NDST3: variants seen among roughly 807,000 people sequenced by gnomAD.
NDST3 encodes N-deacetylase and N-sulfotransferase 3.
In NDST3, 58 loss-of-function variants were observed where a neutral mutation model predicts 96.1. The ratio of observed to expected loss-of-function variants is 0.60; its 90% CI spans 0.49 to 0.75. NDST3 has a LOEUF of 0.75. Among genes scored for constraint, NDST3 ranks in the 30% least tolerant of loss-of-function variants. The pLI is 0.00. For synonymous variants in NDST3, 333 were observed against 359.7 expected, an observed-to-expected ratio of 0.93 and a Z score of 0.84; for missense variants, 788 against 1,034.2, an observed-to-expected ratio of 0.76 and a Z score of 3.27.
chr4:118,139,375 GT>G (rs1733383991), intron 5 of NDST3, among the ~76,000 whole-genome samples: 2 of 152,206 alleles, frequency 1.3e-5, no homozygotes. Flanking sequence ...CAGATTTCCT[GT>G]TTTGATGGAA....
At chr4:118,180,883 C>G (rs2125950442) in intron 6 of NDST3, among the ~76,000 whole-genome samples, 1 of 152,228 alleles carries the variant, frequency 6.6e-6, no homozygotes. Flanking sequence ...CCTGTGAATT[C>G]CAACAGCCAG....
At chr4:118,226,302 C>T (rs1739877561) in intron 7 of NDST3, among the ~76,000 whole-genome samples, 1 of 152,100 alleles carries the variant, frequency 6.6e-6, no homozygotes, top group Admixed American at 6.6e-5. Context: ...TAGTAATTCA[C>T]CCTCATTATT....
At chr4:118,064,527 T>A (rs986921121) in intron 2 of NDST3, among the ~76,000 whole-genome samples, 1 of 152,066 alleles carries the variant, frequency 6.6e-6, no homozygotes, top group Admixed American at 6.6e-5. Flanking sequence ...AACTTCTAGA[T>A]AAACTGAAAT....
chr4:118,054,796 A>C lies in NDST3; in HGVS notation c.886A>C (p.Arg296=). ...IDAISFLSGK[R]LTLSLDRYIL... ...TGCCATCTCCTTCTTATCAGGGAAG[A>C]GGCTGACATTGTCCTTGGACAGGTA... The change falls in exon 2 of 14, where the codon AGG becomes CGG. Residue 296 remains arginine (R), a synonymous_variant. Coordinates refer to ENST00000296499, the MANE Select transcript of NDST3 (RefSeq NM_004784.3). The C allele has an allele frequency of 6.2e-7, 1 of 1,613,310 alleles. No individual in the cohort carries two copies. Among genetic ancestry groups the C allele is most frequent in the Non-Finnish European group, 8.5e-7 (1 of 1,179,414 alleles).
At chr4:118,199,268 T>C (rs1737907242) in intron 6 of NDST3, among the ~76,000 whole-genome samples, 1 of 152,260 alleles carries the variant, frequency 6.6e-6, no homozygotes, top group Non-Finnish European at 1.5e-5. Flanking sequence ...TTGTCTCCTC[T>C]GACTGTATTT....
At chr4:118,096,782 G>A (rs538391244) in intron 2 of NDST3, among the ~76,000 whole-genome samples, 65 of 151,986 alleles carry the variant, frequency 4.3e-4, no homozygotes, top group African/African-American at 1.5e-3. Flanking sequence ...AAGATATGCA[G>A]GCAGCAAGCT....
At chr4:118,150,563 A>C (rs1734319603) in intron 6 of NDST3, among the ~76,000 whole-genome samples, 1 of 151,158 alleles carries the variant, frequency 6.6e-6, no homozygotes, top group Middle Eastern at 3.4e-3. Context: ...AACCCCATCA[A>C]AAAGTGGGCG....
At position 118,131,908 on chromosome 4, in the gene NDST3, C is replaced by CA. The variant is rs1732651870; in HGVS notation, c.1225-6145dup. On this transcript the variant is annotated intron_variant, in intron 4 of 13. Coordinates refer to ENST00000296499, the MANE Select transcript of NDST3 (RefSeq NM_004784.3). ...TTTCCCTTAGTTTCTCCCAAACAAA[C>CA]AGAGTCTCTTTCTCTGTGCTGAGCT... Among the ~76,000 whole-genome samples, 4 of 152,022 alleles carry CA rather than the reference C, an allele frequency of 2.6e-5. No individual in the cohort carries two copies. The South Asian group carries it at 8.3e-4, about 32-fold the overall frequency.
intron 6 of NDST3, among the ~76,000 whole-genome samples, chr4:118,177,877 A>G (rs1472113788): frequency 6.6e-6 from 1 of 151,916 alleles, no homozygotes; most frequent in Non-Finnish European, 1.5e-5. Flanking sequence ...AGAAGGCAAC[A>G]ATCTGCAGGA....
At chr4:118,137,499 T>C (rs1733206749) in intron 4 of NDST3, among the ~76,000 whole-genome samples, 1 of 152,192 alleles carries the variant, frequency 6.6e-6, no homozygotes, top group South Asian at 2.1e-4. Flanking sequence ...TTTACCACAT[T>C]ATCCAATCAA....
At chr4:118,042,836 G>A (rs893041349) in intron 1 of NDST3, among the ~76,000 whole-genome samples, 1 of 151,778 alleles carries the variant, frequency 6.6e-6, no homozygotes. Flanking sequence ...CTTAGAAACT[G>A]CCACTGACTT....
intron 6 of NDST3, among the ~76,000 whole-genome samples, chr4:118,198,983 T>C (rs1737884699): frequency 6.6e-6 from 1 of 152,182 alleles, no homozygotes; most frequent in South Asian, 2.1e-4. Flanking sequence ...GGAACCTTTT[T>C]TTATCCTTGA....
chr4:118,203,542 T>C (rs559612638), intron 6 of NDST3, among the ~76,000 whole-genome samples: 1 of 152,296 alleles, frequency 6.6e-6, no homozygotes, highest in Admixed American at 6.5e-5. Flanking sequence ...TCTTGGAAGA[T>C]TGTGTCCTTC....
intron 4 of NDST3, among the ~76,000 whole-genome samples, chr4:118,120,350 G>C (rs1014962591): frequency 6.6e-6 from 1 of 152,064 alleles, no homozygotes; most frequent in African/African-American, 2.4e-5. Context: ...GGGGAAAGGT[G>C]GGCAAGAGCC....
At chr4:118,058,639 G>A (rs1452475391) in intron 2 of NDST3, among the ~76,000 whole-genome samples, 2 of 9,812 alleles carry the variant, frequency 2.0e-4, no homozygotes, top group African/African-American at 3.0e-4. Context: ...GTGTGTGCGC[G>A]CGCGCGCACG....
intron 6 of NDST3, among the ~76,000 whole-genome samples, chr4:118,181,443 CA>C (rs940454927): frequency 1.3e-5 from 2 of 152,018 alleles, no homozygotes; most frequent in African/African-American, 4.8e-5. Flanking sequence ...TTATCTTCAG[CA>C]AAAATAATGC....
intron 2 of NDST3, among the ~76,000 whole-genome samples, chr4:118,086,535 T>G (rs1279000944): frequency 6.6e-6 from 1 of 152,164 alleles, no homozygotes; most frequent in Non-Finnish European, 1.5e-5. Context: ...TCCTGCCAGC[T>G]TCACAGGAAT....
chr4:118,177,174 GA>G (rs1262943248), intron 6 of NDST3, among the ~76,000 whole-genome samples: 1 of 151,954 alleles, frequency 6.6e-6, no homozygotes, highest in Non-Finnish European at 1.5e-5. Flanking sequence ...TTGTGGCAAA[GA>G]ACAAGTTTGT....
chr4:118,150,371 A>C (rs6534088), intron 6 of NDST3, among the ~76,000 whole-genome samples: 27,681 of 151,826 alleles, frequency 0.18, 2,648 homozygotes, highest in South Asian at 0.23. Flanking sequence ...GCAACAAAAG[A>C]CAAAATTGAC....
Sources: gnomAD v4.1 joint callset for allele counts (sites outside exome capture counted in the v4.1 genomes callset) on GRCh38, gnomAD v4.1.1 for gene constraint, MANE v1.5 for transcripts, NCBI Gene and HGNC (gene_info 2026-07-23, HGNC 2026-07-21) for gene names.